Variants in COL5A2 observed in about 807,000 individuals in gnomAD.
COL5A2 encodes the protein collagen alpha-2(V) chain.
Under a neutral mutation model 208.2 loss-of-function variants are expected in COL5A2, and 23 were observed. The observed-to-expected ratio is 0.11, with a 90% CI of 0.08 to 0.16. The LOEUF is 0.16. Among genes scored for constraint, COL5A2 ranks in the 10% least tolerant of loss-of-function variants. The probability of loss-of-function intolerance (pLI) is 1.00; values close to 1 mark genes in which losing one functional copy is unlikely to be tolerated. For synonymous variants in COL5A2, 625 were observed against 628.5 expected, an observed-to-expected ratio of 0.99 and a Z score of 0.08; for missense variants, 1,590 against 1,956.4, an observed-to-expected ratio of 0.81 and a Z score of 3.53.
intron 35 of COL5A2, among the ~76,000 whole-genome samples, chr2:189,055,445 GTTTAAT>G (rs1685883093): frequency 6.6e-6 from 1 of 151,980 alleles, no homozygotes; most frequent in South Asian, 2.1e-4. Context: ...TTCTTTCATC[GTTTAAT>G]TTCTGTATGT....
chr2:189,287,717 C>T, the COL5A2 span, among the ~76,000 whole-genome samples: 19,624 of 152,056 alleles, frequency 0.13, 1,654 homozygotes, highest in South Asian at 0.19. Context: ...AAACCAGCTG[C>T]AAAAATCATT....
the COL5A2 span, among the ~76,000 whole-genome samples, chr2:189,250,801 A>T: frequency 6.6e-6 from 1 of 152,162 alleles, no homozygotes; most frequent in Admixed American, 6.5e-5. Flanking sequence ...AAGAAATAAT[A>T]CCACAACCCT....
intron 51 of COL5A2, among the ~76,000 whole-genome samples, 183 bp downstream of exon 51, chr2:189,039,089 T>A (rs922433339): frequency 5.9e-5 from 9 of 152,144 alleles, no homozygotes; most frequent in African/African-American, 1.7e-4. Flanking sequence ...ATGCTGAGCA[T>A]TTTTTTCATG....
At chr2:189,084,757 A>G (rs981223174) in intron 11 of COL5A2, among the ~76,000 whole-genome samples, 1 of 152,238 alleles carries the variant, frequency 6.6e-6, no homozygotes, top group Non-Finnish European at 1.5e-5. Context: ...CCATATTGGC[A>G]CTATACTACT....
chr2:189,196,305 C>A (rs899496228), intron 1 of COL5A2, among the ~76,000 whole-genome samples: 4 of 150,196 alleles, frequency 2.7e-5, no homozygotes, highest in Non-Finnish European at 4.4e-5. Context: ...TGTATTATAT[C>A]TCTTTATTCT....
chr2:189,330,888 C>T, the COL5A2 span, among the ~76,000 whole-genome samples: 1 of 152,018 alleles, frequency 6.6e-6, no homozygotes, highest in Non-Finnish European at 1.5e-5. Context: ...TTCTGTTATA[C>T]AATCAAAAAT....
the COL5A2 span, among the ~76,000 whole-genome samples, chr2:189,357,157 G>T: frequency 2.0e-5 from 3 of 152,178 alleles, no homozygotes; most frequent in Non-Finnish European, 4.4e-5. Flanking sequence ...TCTCCTGTAG[G>T]AGATGTCTGT....
At chr2:189,218,758 A>G (rs1283654239) in intron 1 of COL5A2, among the ~76,000 whole-genome samples, 1 of 152,180 alleles carries the variant, frequency 6.6e-6, no homozygotes, top group East Asian at 1.9e-4. Flanking sequence ...TTGGAACATT[A>G]GGTTCTCATT....
At chr2:189,069,237 GT>G (rs1190937007) in intron 18 of COL5A2, among the ~76,000 whole-genome samples, 7 of 152,038 alleles carry the variant, frequency 4.6e-5, no homozygotes, top group African/African-American at 1.7e-4. Flanking sequence ...ATATTAAACA[GT>G]TTAGATAATC....
chr2:189,431,878 C>T, the COL5A2 span, among the ~76,000 whole-genome samples: 13 of 152,036 alleles, frequency 8.6e-5, no homozygotes, highest in Non-Finnish European at 1.8e-4. Flanking sequence ...GAAGAGCAAC[C>T]CCAAGACACA....
the COL5A2 span, among the ~76,000 whole-genome samples, chr2:189,386,473 G>C: frequency 6.6e-6 from 1 of 151,974 alleles, no homozygotes; most frequent in Non-Finnish European, 1.5e-5. Context: ...AACAAAAATT[G>C]GTAAGTGGGA....
the COL5A2 span, among the ~76,000 whole-genome samples, chr2:189,312,645 G>A: frequency 3.9e-5 from 6 of 152,242 alleles, no homozygotes; most frequent in East Asian, 5.8e-4. Context: ...TCAGACCTCC[G>A]ATCTAGAGTC....
At chr2:189,237,838 T>C in the COL5A2 span, among the ~76,000 whole-genome samples, 1 of 151,916 alleles carries the variant, frequency 6.6e-6, no homozygotes, top group African/African-American at 2.4e-5. Context: ...TAACTCTACA[T>C]TTGATGAACT....
At chr2:189,210,328 C>T (rs1252601119) in intron 1 of COL5A2, among the ~76,000 whole-genome samples, 2 of 151,530 alleles carry the variant, frequency 1.3e-5, no homozygotes, top group Non-Finnish European at 2.9e-5. Context: ...ACGCTTTGGC[C>T]GCAGAGACTG....
At chr2:189,094,400 T>TA (rs1387471418) in intron 6 of COL5A2, among the ~76,000 whole-genome samples, 1 of 151,900 alleles carries the variant, frequency 6.6e-6, no homozygotes, top group Non-Finnish European at 1.5e-5. Flanking sequence ...AGGTAAATGT[T>TA]ACATTTATTA....
chr2:189,060,394 TA>T (rs143617421), intron 31 of COL5A2, among the ~76,000 whole-genome samples: 7,332 of 152,190 alleles, frequency 0.048, 216 homozygotes, highest in East Asian at 0.093. Flanking sequence ...CAAAGAAAAA[TA>T]AATAAATCTA....
intron 1 of COL5A2, among the ~76,000 whole-genome samples, chr2:189,171,475 G>C (rs993915192): frequency 6.6e-6 from 1 of 152,124 alleles, no homozygotes; most frequent in African/African-American, 2.4e-5. Flanking sequence ...TTTGTAGTAG[G>C]GATGGAGAAG....
At chr2:189,342,492 AAT>A in the COL5A2 span, among the ~76,000 whole-genome samples, 1 of 148,552 alleles carries the variant, frequency 6.7e-6, no homozygotes, top group East Asian at 1.9e-4. Context: ...ATATGCATAT[AAT>A]ATATATGTAT....
the COL5A2 span, among the ~76,000 whole-genome samples, chr2:189,333,389 C>G: frequency 6.6e-6 from 1 of 152,062 alleles, no homozygotes; most frequent in Non-Finnish European, 1.5e-5. Flanking sequence ...CACCTCAAAG[C>G]TTGTAGATAT....
Sources: gnomAD v4.1 joint callset for allele counts (sites outside exome capture counted in the v4.1 genomes callset) on GRCh38, gnomAD v4.1.1 for gene constraint, MANE v1.5 for transcripts, NCBI Gene and HGNC (gene_info 2026-07-23, HGNC 2026-07-21) for gene names.